Variants in MPZL3 observed in about 807,000 individuals in gnomAD.
The protein encoded by MPZL3 is myelin protein zero like 3.
In MPZL3, 23 loss-of-function variants were observed where a neutral mutation model predicts 24.8. The ratio of observed to expected loss-of-function variants is 0.93; its 90% CI spans 0.67 to 1.31. The LOEUF (loss-of-function observed/expected upper bound fraction) is 1.31. Among genes scored for constraint, MPZL3 ranks in the 40% most tolerant of loss-of-function variants. MPZL3 has a pLI of 0.00. For missense variants in MPZL3, 277 were observed against 294.9 expected (o/e 0.94, Z 0.44); for synonymous variants, 99 against 106.5 (o/e 0.93, Z 0.44).
intron 1 of MPZL3, among the ~76,000 whole-genome samples, chr11:118,247,180 G>A (rs986311722): frequency 2.0e-5 from 3 of 152,184 alleles, no homozygotes; most frequent in African/African-American, 7.2e-5. Flanking sequence ...CAGAGGAAGA[G>A]AGCCTGAATG....
At chr11:118,252,140 C>A (rs187122739) in intron 1 of MPZL3, 82 bp downstream of exon 1, 160 of 1,424,272 alleles carry the variant, frequency 1.1e-4, no homozygotes, top group Middle Eastern at 4.9e-4. Context: ...TTTCTGGAGA[C>A]CCCCCTACCC....
At chr11:118,242,406 A>C (rs1185278051) in intron 1 of MPZL3, among the ~76,000 whole-genome samples, 1 of 152,220 alleles carries the variant, frequency 6.6e-6, no homozygotes, top group African/African-American at 2.4e-5. Context: ...AACATTAGCT[A>C]TTATTATTAA....
At chr11:118,246,444 T>TA (rs892773423) in intron 1 of MPZL3, among the ~76,000 whole-genome samples, 5 of 151,708 alleles carry the variant, frequency 3.3e-5, no homozygotes, top group Non-Finnish European at 7.4e-5. Flanking sequence ...CTTTTTTTTT[T>TA]TGATACCTAC....
chr11:118,233,077 T>C (rs1463043037), intron 5 of MPZL3, among the ~76,000 whole-genome samples: 2 of 152,152 alleles, frequency 1.3e-5, no homozygotes, highest in African/African-American at 2.4e-5. Context: ...TATATCAACC[T>C]AACTCCCTGA....
Position 118,237,206 on chromosome 11 carries a change from G to A in MPZL3, c.295C>T (p.Arg99Trp), listed in dbSNP as rs557357347. The change falls in exon 3 of 6, where the codon CGG becomes TGG. Residue 99 changes from arginine (R) to tryptophan (W), a missense_variant. Arg to Trp is a moderately radical substitution (Grantham distance 101). Coordinates refer to ENST00000278949, the MANE Select transcript of MPZL3 (RefSeq NM_198275.3). ...YPTTAGTFRD[R>W]ISWVGNVYKG... ...TATACATTTCCAACCCAGGAAATCCGATCCCGAAATGTGCCTGCTGTGGTT... is the reference window on the plus strand; with the variant it reads ...TATACATTTCCAACCCAGGAAATCCAATCCCGAAATGTGCCTGCTGTGGTT... The A allele has an allele frequency of 8.7e-6, 14 of 1,614,060 alleles. No homozygotes were observed. The highest frequency in any genetic ancestry group is 1.3e-5 in the African/African-American group (1 of 75,022).
Position 118,233,507 on chromosome 11 carries a change from C to T in MPZL3, c.634G>A (p.Glu212Lys). 1.2e-6 allele frequency: 2 copies of T among 1,613,876 alleles called. No homozygotes were observed. The highest frequency in any genetic ancestry group is 1.7e-6 in the Non-Finnish European group (2 of 1,179,874). Residue 212 changes from glutamate to lysine, a missense_variant, in exon 5 of 6, where the codon GAA (glutamate) becomes AAA (lysine). Glu to Lys is a moderately conservative substitution (Grantham distance 56). Transcript: ENST00000278949. ...CAAAGCCTCGCCATACACGCCTCTTCCTCCTCCTGATCAGTGCTGTAAAAA... is the reference window on the plus strand; with the variant it reads ...CAAAGCCTCGCCATACACGCCTCTTTCTCCTCCTGATCAGTGCTGTAAAAA... Reference protein sequence around the residue: ...EVSDDTDQEEEEACMARLCVR... With the variant: ...EVSDDTDQEEKEACMARLCVR...
chr11:118,238,112 C>T (rs1447832300), intron 2 of MPZL3, among the ~76,000 whole-genome samples: 1 of 150,666 alleles, frequency 6.6e-6, no homozygotes, highest in Non-Finnish European at 1.5e-5. Context: ...ACTCCAGCCT[C>T]GGCAACGGAG....
intron 2 of MPZL3, among the ~76,000 whole-genome samples, chr11:118,237,874 C>T (rs1306994427): frequency 6.6e-6 from 1 of 152,234 alleles, no homozygotes; most frequent in African/African-American, 2.4e-5. Context: ...TGGTGGCTCA[C>T]GCCTGTAATC....
At position 118,235,553 on chromosome 11, in the gene MPZL3, G is replaced by A. The variant is rs1210715196; in HGVS notation, c.488C>T (p.Ser163Phe). The A allele has an allele frequency of 6.2e-7, 1 of 1,613,956 alleles. No individual in the cohort carries two copies. The highest frequency in any genetic ancestry group is 1.1e-5 in the South Asian group (1 of 91,074). ...GTMLSSVALL[S>F]ILVFVPSAVV... is the part of the protein sequence containing the mutation. ...GGCTGAGGGCACAAAGACAAGGATG[G>A]AAAGAAGGGCCACAGAGGAAAGCAT... The change falls in exon 4 of 6, where the codon TCC becomes TTC. Residue 163 changes from serine (S) to phenylalanine (F), a missense_variant. Physicochemically the swap from Ser to Phe is radical, Grantham distance 155. Transcript: ENST00000278949.
chr11:118,251,633 T>G (rs1949620426), intron 1 of MPZL3, among the ~76,000 whole-genome samples: 1 of 152,140 alleles, frequency 6.6e-6, no homozygotes, highest in Non-Finnish European at 1.5e-5. Flanking sequence ...TTAACAGAAT[T>G]TATATGCTCT....
At chr11:118,248,464 C>T (rs1455171756) in intron 1 of MPZL3, among the ~76,000 whole-genome samples, 1 of 151,980 alleles carries the variant, frequency 6.6e-6, no homozygotes, top group Non-Finnish European at 1.5e-5. Flanking sequence ...ACCTACCTAC[C>T]AATTTTTCCC....
In MPZL3 at chr11:118,229,125, C is replaced by CAAAAAAAAAAAAAAAAAAAA. The variant is rs60832269; in HGVS notation, c.*749_*768dup. 1 of 96,428 alleles carries CAAAAAAAAAAAAAAAAAAAA rather than the reference C, an allele frequency of 1.0e-5. No individual in the cohort carries two copies. Among genetic ancestry groups the CAAAAAAAAAAAAAAAAAAAA allele is most frequent in the African/African-American group, 5.7e-5 (1 of 17,416 alleles). 6.0% of individuals were successfully genotyped at this position (96,428 alleles called of 1,614,324 possible). ...CTGGCGACAGAGTGAGACTCTGCCTCAAAAAAAAAAAAAAAAAAAAAAAAG... is the reference window on the plus strand; with the variant it reads ...CTGGCGACAGAGTGAGACTCTGCCTCAAAAAAAAAAAAAAAAAAAAAAAAAAAAAAAAAAAAAAAAAAAAG... On this transcript the variant is annotated 3_prime_UTR_variant, in exon 6 of 6. Transcript: ENST00000278949.
chr11:118,236,403 G>A (rs894763926), intron 3 of MPZL3, among the ~76,000 whole-genome samples: 2 of 152,080 alleles, frequency 1.3e-5, no homozygotes, highest in African/African-American at 2.4e-5. Flanking sequence ...AGGAGGAAAA[G>A]AGCAAGGGAG....
intron 5 of MPZL3, among the ~76,000 whole-genome samples, chr11:118,231,502 C>G (rs1258200676): frequency 6.6e-6 from 1 of 152,130 alleles, no homozygotes; most frequent in Non-Finnish European, 1.5e-5. Flanking sequence ...GCTCCTAAAT[C>G]TCTATCTCCA....
intron 1 of MPZL3, among the ~76,000 whole-genome samples, chr11:118,246,585 C>CTTTTT (rs71301655): frequency 0.047 from 5,817 of 123,128 alleles, 607 homozygotes; most frequent in African/African-American, 0.18. Context: ...TTTTTCTTTT[C>CTTTTT]TTTTTTTTTT....
chr11:118,251,111 GT>G (rs1949615494), intron 1 of MPZL3, among the ~76,000 whole-genome samples: 3 of 146,222 alleles, frequency 2.1e-5, no homozygotes, highest in Admixed American at 2.0e-4. Flanking sequence ...GTGTGTGTGT[GT>G]GTGTGTGAAA....
At chr11:118,251,632 T>A (rs895564512) in intron 1 of MPZL3, among the ~76,000 whole-genome samples, 3 of 152,282 alleles carry the variant, frequency 2.0e-5, no homozygotes, top group African/African-American at 7.2e-5. Context: ...TTTAACAGAA[T>A]TTATATGCTC....
intron 2 of MPZL3, among the ~76,000 whole-genome samples, chr11:118,239,493 A>G (rs1316928128): frequency 1.3e-5 from 2 of 152,234 alleles, no homozygotes; most frequent in Non-Finnish European, 2.9e-5. Context: ...AATAACATCT[A>G]TCCTGAGCTA....
At chr11:118,251,078 C>CGTGTGTGT (rs3221165) in intron 1 of MPZL3, among the ~76,000 whole-genome samples, 115 of 144,376 alleles carry the variant, frequency 8.0e-4, no homozygotes, top group Middle Eastern at 7.0e-3. Flanking sequence ...GAATATTTCT[C>CGTGTGTGT]GTGTGTGTGT....
Sources: gnomAD v4.1 joint callset for allele counts (sites outside exome capture counted in the v4.1 genomes callset) on GRCh38, gnomAD v4.1.1 for gene constraint, MANE v1.5 for transcripts, NCBI Gene and HGNC (gene_info 2026-07-23, HGNC 2026-07-21) for gene names.